The following TOGARAM2 variants were observed in gnomAD, a reference collection of about 807,000 sequenced individuals.
TOGARAM2 encodes the protein TOG array regulator of axonemal microtubules 2.
Under a neutral mutation model 93.3 loss-of-function variants are expected in TOGARAM2, and 85 were observed. The observed-to-expected ratio is 0.91, with a 90% CI of 0.76 to 1.09. The LOEUF is 1.09. TOGARAM2 is among the 50% of genes least tolerant of loss of function. The pLI, the probability that TOGARAM2 is intolerant of heterozygous loss-of-function variation, is 0.00. For missense variants in TOGARAM2, 1,277 were observed against 1,334.5 expected (o/e 0.96, Z 0.67); for synonymous variants, 593 against 552.8 (o/e 1.07, Z -1.02).
chr2:28,995,869 A>G (rs1046052048), intron 2 of TOGARAM2, among the ~76,000 whole-genome samples: 1 of 152,224 alleles, frequency 6.6e-6, no homozygotes, highest in Admixed American at 6.5e-5. Flanking sequence ...GTGGTGGCTT[A>G]GGTCCCCATG....
intron 1 of TOGARAM2, among the ~76,000 whole-genome samples, chr2:28,961,313 A>G (rs1414897432): frequency 6.6e-6 from 1 of 152,110 alleles, no homozygotes; most frequent in Non-Finnish European, 1.5e-5. Flanking sequence ...TGTTTAAAAA[A>G]AGCTTTGAGG....
chr2:28,986,120 A>C (rs1209126959), intron 1 of TOGARAM2, among the ~76,000 whole-genome samples: 1 of 151,786 alleles, frequency 6.6e-6, no homozygotes, highest in Non-Finnish European at 1.5e-5. Context: ...CTCAAAAAAA[A>C]AAAAAAAAAA....
rs111326651 is a variant in TOGARAM2 at position 29,037,089 on chromosome 2, G to C, written c.2635+332G>C. 6.2e-3 allele frequency among the ~76,000 whole-genome samples: 937 copies of C among 152,222 alleles called. 13 individuals carry two copies. The highest frequency in any genetic ancestry group is 0.021 in the African/African-American group (889 of 41,520). ...GGAGTGCTGGGAAGGCTTAAGCTGGGCTGGGGCTTGGCGTGGGGTTTGTGG... is the reference window on the plus strand; with the variant it reads ...GGAGTGCTGGGAAGGCTTAAGCTGGCCTGGGGCTTGGCGTGGGGTTTGTGG... On this transcript the variant is annotated intron_variant, in intron 18 of 19. Transcript: ENST00000379558.
At chr2:28,965,318 C>T (rs1421738480) in intron 1 of TOGARAM2, among the ~76,000 whole-genome samples, 1 of 152,172 alleles carries the variant, frequency 6.6e-6, no homozygotes, top group African/African-American at 2.4e-5. Context: ...TTCTATTCGT[C>T]TCATCTGTTT....
intron 9 of TOGARAM2, 50 bp downstream of exon 9, chr2:29,017,354 A>G: frequency 1.3e-6 from 2 of 1,488,746 alleles, no homozygotes; most frequent in South Asian, 2.7e-5. Context: ...AGCTGAGTCC[A>G]CTCTCTCATA....
At chr2:28,971,662 T>TC (rs1671948174) in intron 1 of TOGARAM2, among the ~76,000 whole-genome samples, 1 of 152,092 alleles carries the variant, frequency 6.6e-6, no homozygotes, top group Admixed American at 6.5e-5. Flanking sequence ...GAGTGGTTTT[T>TC]CTTCCTTTTT....
At chr2:29,004,751 TG>T (rs1418394041) in intron 6 of TOGARAM2, among the ~76,000 whole-genome samples, 1 of 144,742 alleles carries the variant, frequency 6.9e-6, no homozygotes, top group Admixed American at 7.0e-5. Context: ...TGTGTGTGTG[TG>T]TCTGAGTGTG....
At chr2:29,027,716 G>C (rs957037560) in intron 14 of TOGARAM2, among the ~76,000 whole-genome samples, 3 of 152,136 alleles carry the variant, frequency 2.0e-5, no homozygotes, top group African/African-American at 4.8e-5. Flanking sequence ...TGGAGTTGGT[G>C]GGGGGGCTGC....
At chr2:28,994,466 T>A (rs919090727) in intron 1 of TOGARAM2, among the ~76,000 whole-genome samples, 6 of 152,126 alleles carry the variant, frequency 3.9e-5, no homozygotes, top group Admixed American at 2.0e-4. Context: ...CCTAAAGGTG[T>A]CCATGTCTCA....
In TOGARAM2 at chr2:29,033,599, A is replaced by G. The variant is rs769795702; in HGVS notation, c.2225+36A>G. 6.3e-6 allele frequency: 10 copies of G among 1,589,978 alleles called. No homozygotes were observed. The South Asian group carries it at 1.0e-4, about 16-fold the overall frequency. Reference sequence around the variant, plus strand: ...TCCTGTATCTCTGGGCTTCACATCTAAGACTTCTGACAGAGGCATCCTGCT... The same window carrying G: ...TCCTGTATCTCTGGGCTTCACATCTGAGACTTCTGACAGAGGCATCCTGCT... On this transcript the variant is annotated intron_variant, in intron 16 of 19. Transcript: ENST00000379558.
At chr2:28,994,597 G>T (rs1029845828) in intron 1 of TOGARAM2, 128 bp from the exon 2 acceptor site, 13 of 417,146 alleles carry the variant, frequency 3.1e-5, no homozygotes, top group Non-Finnish European at 5.8e-5. Flanking sequence ...CAGAAAAATG[G>T]CATCCTTTGG....
intron 1 of TOGARAM2, among the ~76,000 whole-genome samples, chr2:28,974,999 T>A (rs1317668835): frequency 6.6e-6 from 1 of 151,946 alleles, no homozygotes; most frequent in African/African-American, 2.4e-5. Flanking sequence ...GGTTTTATGT[T>A]CAAGTTCACT....
At chr2:28,966,402 A>G (rs1232367654) in intron 1 of TOGARAM2, among the ~76,000 whole-genome samples, 5 of 151,916 alleles carry the variant, frequency 3.3e-5, no homozygotes, top group Non-Finnish European at 2.9e-5. Context: ...CGTTCAAGCG[A>G]TTCTCCTGCC....
chr2:28,966,535 A>G (rs1460179844), intron 1 of TOGARAM2, among the ~76,000 whole-genome samples: 1 of 151,776 alleles, frequency 6.6e-6, no homozygotes, highest in Non-Finnish European at 1.5e-5. Flanking sequence ...TGACTTCATG[A>G]TCTGCCCACC....
intron 1 of TOGARAM2, among the ~76,000 whole-genome samples, chr2:28,990,816 A>AG (rs1241267161): frequency 6.6e-6 from 1 of 151,892 alleles, no homozygotes. Flanking sequence ...TGAGAGCTGG[A>AG]GGGGGTCGAA....
chr2:29,020,902 T>C (rs1403967433), intron 10 of TOGARAM2, among the ~76,000 whole-genome samples: 2 of 152,082 alleles, frequency 1.3e-5, no homozygotes, highest in Non-Finnish European at 1.5e-5. Context: ...GTGTCTCCGC[T>C]TTTTTTGTTT....
chr2:29,010,317 G>C (rs1189694456), intron 6 of TOGARAM2, among the ~76,000 whole-genome samples: 2 of 152,128 alleles, frequency 1.3e-5, no homozygotes, highest in Non-Finnish European at 2.9e-5. Context: ...AGCTCCCCAG[G>C]TCAGGGGTGC....
chr2:28,984,934 C>CT (rs1260112047), intron 1 of TOGARAM2, among the ~76,000 whole-genome samples: 2 of 152,216 alleles, frequency 1.3e-5, no homozygotes, highest in Non-Finnish European at 2.9e-5. Flanking sequence ...CCCAGTCCTG[C>CT]TGAAGGCCTT....
intron 14 of TOGARAM2, among the ~76,000 whole-genome samples, chr2:29,031,500 ATT>A (rs1665764347): frequency 1.3e-5 from 2 of 152,226 alleles, no homozygotes; most frequent in Admixed American, 1.3e-4. Context: ...CTGGAGAATC[ATT>A]GAGTTTAATC....
Sources: allele counts gnomAD v4.1 joint callset (sites outside exome capture counted in the v4.1 genomes callset), GRCh38; gene constraint gnomAD v4.1.1; transcripts MANE v1.5; gene names NCBI Gene and HGNC (gene_info 2026-07-23, HGNC 2026-07-21).